Variants in RBFOX1 observed in about 807,000 individuals in gnomAD.
The protein encoded by RBFOX1 is RNA binding protein fox-1 homolog 1.
Under a neutral mutation model 57.7 loss-of-function variants are expected in RBFOX1, and 8 were observed. The observed-to-expected ratio is 0.14, with a 90% CI of 0.08 to 0.25. The LOEUF (loss-of-function observed/expected upper bound fraction) is 0.25, where lower values mean the gene tolerates loss of function less well. Among genes scored for constraint, RBFOX1 ranks in the 10% least tolerant of loss-of-function variants. The pLI is 1.00. For missense variants in RBFOX1, 611 were observed against 548.5 expected (o/e 1.11, Z -1.14); for synonymous variants, 326 against 222.4 (o/e 1.47, Z -4.15).
chr16:5,421,487 G>C (rs1310544217), intron 1 of RBFOX1, among the ~76,000 whole-genome samples: 1 of 152,174 alleles, frequency 6.6e-6, no homozygotes, highest in African/African-American at 2.4e-5. Context: ...CCAGTAGAGA[G>C]AATGGGGTGA....
chr16:5,928,723 C>T (rs1446044800), intron 4 of RBFOX1, among the ~76,000 whole-genome samples: 1 of 150,908 alleles, frequency 6.6e-6, no homozygotes, highest in Non-Finnish European at 1.5e-5. Context: ...AAAAAAAATT[C>T]CTGAAATGCG....
chr16:7,033,238 G>A (rs1236552322), intron 3 of RBFOX1, among the ~76,000 whole-genome samples: 3 of 152,220 alleles, frequency 2.0e-5, no homozygotes, highest in Non-Finnish European at 2.9e-5. Flanking sequence ...TCCAAAAACA[G>A]GACGGGCACA....
intron 4 of RBFOX1, among the ~76,000 whole-genome samples, chr16:7,190,774 T>G (rs28634242): frequency 6.6e-6 from 1 of 152,152 alleles, no homozygotes; most frequent in South Asian, 2.1e-4. Flanking sequence ...TTCGGGTTTA[T>G]GGCATTGCTC....
At chr16:5,747,739 T>A (rs1258815221) in intron 3 of RBFOX1, among the ~76,000 whole-genome samples, 1 of 152,202 alleles carries the variant, frequency 6.6e-6, no homozygotes, top group South Asian at 2.1e-4. Context: ...TATCATTATT[T>A]ATTGTGTCTA....
chr16:6,057,296 T>TG (rs1214743493), intron 1 of RBFOX1, among the ~76,000 whole-genome samples: 10 of 152,084 alleles, frequency 6.6e-5, no homozygotes, highest in Admixed American at 6.6e-4. Context: ...AATAATGACC[T>TG]GGGTTTTTTT....
intron 10 of RBFOX1, among the ~76,000 whole-genome samples, chr16:7,612,214 G>A (rs547922249): frequency 1.3e-5 from 2 of 151,700 alleles, no homozygotes; most frequent in African/African-American, 4.8e-5. Context: ...CCAGCTACTT[G>A]GGAGGCAGAG....
chr16:6,203,809 A>C (rs2097233636), intron 1 of RBFOX1, among the ~76,000 whole-genome samples: 1 of 152,154 alleles, frequency 6.6e-6, no homozygotes, highest in Admixed American at 6.6e-5. Flanking sequence ...TCAAAAACTT[A>C]AAAATAGAAA....
intron 2 of RBFOX1, among the ~76,000 whole-genome samples, chr16:5,541,400 C>G (rs994787598): frequency 6.6e-6 from 1 of 151,914 alleles, no homozygotes; most frequent in African/African-American, 2.4e-5. Context: ...CGGGGCACAG[C>G]CTGGATTTCA....
rs182145053 is a variant in RBFOX1, at chr16:5,609,128, T to C, written c.318+10167T>C. 3.1e-3 allele frequency among the ~76,000 whole-genome samples: 479 copies of C among 152,222 alleles called. 2 individuals carry two copies. Among genetic ancestry groups the C allele is most frequent in the African/African-American group, 0.011 (450 of 41,538 alleles). ...ATGATTTTGCTAAGAAATAAAATTA[T>C]TGGAGGGAGGGGAGAGGGCTCTGTG... is the stretch of plus-strand genomic sequence containing the variant. On this transcript the variant is annotated intron_variant, in intron 3 of 19. Transcript: ENST00000641259.
At chr16:6,871,887 G>T (rs1352712241) in intron 3 of RBFOX1, among the ~76,000 whole-genome samples, 1 of 149,940 alleles carries the variant, frequency 6.7e-6, no homozygotes, top group Non-Finnish European at 1.5e-5. Flanking sequence ...TCACAATCCA[G>T]GCTCTTTGAG....
At chr16:7,053,812 A>G (rs1475378927) in intron 4 of RBFOX1, among the ~76,000 whole-genome samples, 1 of 152,190 alleles carries the variant, frequency 6.6e-6, no homozygotes, top group Non-Finnish European at 1.5e-5. Context: ...CCCATCTCTA[A>G]CATCACGAAC....
chr16:7,328,137 G>A (rs1167415129), intron 4 of RBFOX1, among the ~76,000 whole-genome samples: 4 of 152,050 alleles, frequency 2.6e-5, no homozygotes, highest in Non-Finnish European at 4.4e-5. Flanking sequence ...CCAGAGTGGC[G>A]GAGACTCAGG....
chr16:6,907,468 T>C (rs1188650356), intron 3 of RBFOX1, among the ~76,000 whole-genome samples: 1 of 152,200 alleles, frequency 6.6e-6, no homozygotes, highest in Non-Finnish European at 1.5e-5. Flanking sequence ...TTCTGAAGGC[T>C]AGAAGTGTGA....
At chr16:7,641,704 T>G (rs62013668) in intron 11 of RBFOX1, among the ~76,000 whole-genome samples, 40,083 of 151,902 alleles carry the variant, frequency 0.26, 5,931 homozygotes, top group African/African-American at 0.4. Flanking sequence ...TTACAGCATT[T>G]TTCTTGAGCT....
intron 1 of RBFOX1, among the ~76,000 whole-genome samples, chr16:6,198,843 A>C (rs1052425388): frequency 1.3e-5 from 2 of 152,162 alleles, no homozygotes; most frequent in African/African-American, 4.8e-5. Flanking sequence ...TTTATAGAGT[A>C]CACCATCAAG....
intron 3 of RBFOX1, among the ~76,000 whole-genome samples, chr16:6,760,073 C>A (rs1290500055): frequency 6.6e-6 from 1 of 151,944 alleles, no homozygotes; most frequent in Non-Finnish European, 1.5e-5. Flanking sequence ...CTCGGGGAGT[C>A]CAAACTCAGT....
At chr16:5,650,651 T>C (rs1377210817) in intron 3 of RBFOX1, among the ~76,000 whole-genome samples, 1 of 152,134 alleles carries the variant, frequency 6.6e-6, no homozygotes, top group Admixed American at 6.5e-5. Context: ...GGGGAGGGAA[T>C]GGCAGCTTTT....
At chr16:7,077,681 T>C (rs1029083209) in intron 4 of RBFOX1, among the ~76,000 whole-genome samples, 3 of 152,208 alleles carry the variant, frequency 2.0e-5, no homozygotes, top group African/African-American at 4.8e-5. Flanking sequence ...TAAAATGTTT[T>C]TAAAATTATA....
chr16:5,874,500 T>G (rs1477680732), intron 4 of RBFOX1, among the ~76,000 whole-genome samples: 1 of 152,102 alleles, frequency 6.6e-6, no homozygotes, highest in Non-Finnish European at 1.5e-5. Flanking sequence ...TGAGCAGAGA[T>G]ATTTTTTTTT....
Sources: allele counts gnomAD v4.1 joint callset (sites outside exome capture counted in the v4.1 genomes callset), GRCh38; gene constraint gnomAD v4.1.1; transcripts MANE v1.5; gene names NCBI Gene and HGNC (gene_info 2026-07-23, HGNC 2026-07-21).